Variants in PSD3 observed in about 807,000 individuals in gnomAD.
PSD3 encodes PH and SEC7 domain-containing protein 3.
In PSD3, 49 loss-of-function variants were observed where a neutral mutation model predicts 105.5. The ratio of observed to expected loss-of-function variants is 0.46; its 90% CI spans 0.37 to 0.59. PSD3 has a LOEUF of 0.59. Among genes scored for constraint, PSD3 ranks in the 20% least tolerant of loss-of-function variants. The pLI, the probability that PSD3 is intolerant of heterozygous loss-of-function variation, is 0.00. For synonymous variants in PSD3, 557 were observed against 457.8 expected, an observed-to-expected ratio of 1.22 and a Z score of -2.77; for missense variants, 1,561 against 1,263.8, an observed-to-expected ratio of 1.24 and a Z score of -3.57.
chr8:19,048,406 C>G (rs1330862077), intron 1 of PSD3, among the ~76,000 whole-genome samples: 1 of 152,176 alleles, frequency 6.6e-6, no homozygotes, highest in East Asian at 1.9e-4. Flanking sequence ...GGTTTACAGC[C>G]TTGAGCATGG....
chr8:19,005,400 G>A (rs573963511), intron 1 of PSD3, among the ~76,000 whole-genome samples: 1 of 152,142 alleles, frequency 6.6e-6, no homozygotes, highest in South Asian at 2.1e-4. Flanking sequence ...TCCAGACTCA[G>A]AAAATAGATT....
rs540163929 is a variant in PSD3, at chr8:18,964,266, T to C, written c.22-28124A>G. On this transcript the variant is annotated intron_variant, in intron 1 of 15. Coordinates refer to ENST00000327040, the MANE Select transcript of PSD3 (RefSeq NM_015310.4). ...AGCCATCCCAGTAGCTGGGACTACA[T>C]GTGCCACCATGCCTGGCTAATTGTT... Among the ~76,000 whole-genome samples the C allele has an allele frequency of 1.1e-4, 16 of 152,228 alleles. No homozygotes were observed. In the South Asian group the frequency reaches 3.1e-3, roughly 30 times the overall value.
intron 2 of PSD3, among the ~76,000 whole-genome samples, chr8:18,934,006 T>C (rs1439428172): frequency 1.3e-5 from 2 of 152,224 alleles, no homozygotes; most frequent in African/African-American, 4.8e-5. Flanking sequence ...AAAAATAATT[T>C]AGCTGTTTTT....
chr8:18,847,343 A>G (rs1370439086), intron 4 of PSD3, among the ~76,000 whole-genome samples: 1 of 152,214 alleles, frequency 6.6e-6, no homozygotes, highest in Non-Finnish European at 1.5e-5. Flanking sequence ...TACTTCCATG[A>G]AAGAACAATG....
chr8:18,572,707 G>A (rs1384185958), intron 13 of PSD3, 35 bp from the exon 14 acceptor site: 13 of 1,603,306 alleles, frequency 8.1e-6, no homozygotes, highest in Non-Finnish European at 1.1e-5. Flanking sequence ...TCAGGATATT[G>A]CCATGTCTAA....
chr8:18,896,625 C>T (rs781552740), intron 2 of PSD3, among the ~76,000 whole-genome samples: 41 of 152,144 alleles, frequency 2.7e-4, no homozygotes, highest in Non-Finnish European at 4.7e-4. Flanking sequence ...ATTGCCCAGG[C>T]TGGTCTTGAA....
intron 4 of PSD3, chr8:18,865,227 TATATATATATATA>T (rs1816739778): frequency 1.6e-3 from 7 of 4,432 alleles, no homozygotes; most frequent in South Asian, 0.015. Flanking sequence ...TTCTATGTTA[TATATATATATATA>T]TATATATATA....
chr8:18,657,012 A>G (rs1808948276), intron 9 of PSD3, among the ~76,000 whole-genome samples: 1 of 152,234 alleles, frequency 6.6e-6, no homozygotes, highest in Non-Finnish European at 1.5e-5. Flanking sequence ...TGATGTTGGA[A>G]CATTTTTCCT....
chr8:18,798,937 A>G (rs1050902292), intron 8 of PSD3, among the ~76,000 whole-genome samples: 3 of 152,114 alleles, frequency 2.0e-5, no homozygotes, highest in Non-Finnish European at 4.4e-5. Flanking sequence ...AACACAATTC[A>G]CATTTTCAGA....
At chr8:18,646,717 A>G (rs1404215684) in intron 10 of PSD3, among the ~76,000 whole-genome samples, 11 of 152,194 alleles carry the variant, frequency 7.2e-5, no homozygotes, top group Non-Finnish European at 1.5e-5. Context: ...ATTCGTCCTT[A>G]TGAGATTACC....
intron 4 of PSD3, among the ~76,000 whole-genome samples, chr8:18,834,550 G>C (rs1038982304): frequency 7.9e-5 from 12 of 152,182 alleles, no homozygotes; most frequent in Non-Finnish European, 1.3e-4. Context: ...GAACAGGAGT[G>C]ACCAGCTGAT....
chr8:18,616,557 A>C (rs975202587), intron 11 of PSD3, among the ~76,000 whole-genome samples: 1 of 151,676 alleles, frequency 6.6e-6, no homozygotes, highest in African/African-American at 2.4e-5. Flanking sequence ...TTTACCACCT[A>C]CTTGTGAGAT....
chr8:19,037,972 T>C (rs995753645), intron 1 of PSD3, among the ~76,000 whole-genome samples: 12 of 149,752 alleles, frequency 8.0e-5, no homozygotes, highest in African/African-American at 2.9e-4. Flanking sequence ...ATATATATAA[T>C]TTTAGGAGAA....
chr8:18,834,766 G>C (rs1313128796), intron 4 of PSD3, among the ~76,000 whole-genome samples: 2 of 152,204 alleles, frequency 1.3e-5, no homozygotes, highest in South Asian at 2.1e-4. Flanking sequence ...ATGGCAGAGA[G>C]AAGCAGACCC....
At chr8:18,897,488 A>G (rs1426939659) in intron 2 of PSD3, among the ~76,000 whole-genome samples, 1 of 152,050 alleles carries the variant, frequency 6.6e-6, no homozygotes, top group African/African-American at 2.4e-5. Flanking sequence ...TATCCAGGGT[A>G]TTGTGTGGTT....
chr8:18,726,260 T>C (rs976721942), intron 9 of PSD3, among the ~76,000 whole-genome samples: 1 of 152,220 alleles, frequency 6.6e-6, no homozygotes, highest in Non-Finnish European at 1.5e-5. Flanking sequence ...ATCGATGAGC[T>C]AGTGAGATAT....
chr8:18,727,213 T>G (rs1033656733), intron 9 of PSD3, among the ~76,000 whole-genome samples: 2 of 151,612 alleles, frequency 1.3e-5, no homozygotes, highest in African/African-American at 2.4e-5. Context: ...GGTGGGCACC[T>G]GTAATCCCAG....
intron 9 of PSD3, chr8:18,762,806 C>G: frequency 1.6e-6 from 1 of 627,460 alleles, no homozygotes; most frequent in Non-Finnish European, 2.3e-6. Flanking sequence ...CTTCTCATTT[C>G]TCACACATTT....
At chr8:19,080,646 C>T (rs137905118) in intron 1 of PSD3, among the ~76,000 whole-genome samples, 37 of 152,264 alleles carry the variant, frequency 2.4e-4, no homozygotes, top group Non-Finnish European at 2.6e-4. Context: ...CTCATTTCCT[C>T]GCTGTTTCCT....
Sources: allele counts gnomAD v4.1 joint callset (sites outside exome capture counted in the v4.1 genomes callset), GRCh38; gene constraint gnomAD v4.1.1; transcripts MANE v1.5; gene names NCBI Gene and HGNC (gene_info 2026-07-23, HGNC 2026-07-21).